The following SNTB1 variants were observed in gnomAD, a reference collection of about 807,000 sequenced individuals.
SNTB1 encodes beta-1-syntrophin.
A neutral mutation model predicts 48.9 loss-of-function variants in SNTB1; 36 were observed. The ratio of observed to expected loss-of-function variants is 0.74; its 90% CI spans 0.56 to 0.97. The LOEUF is 0.97. SNTB1 is among the 50% of genes least tolerant of loss of function. The pLI is 0.00. For synonymous variants in SNTB1, 299 were observed against 294.6 expected (o/e 1.01, Z -0.15); for missense variants, 786 against 703.4 (o/e 1.12, Z -1.33).
intron 1 of SNTB1, among the ~76,000 whole-genome samples, chr8:120,798,430 G>A (rs894883678): frequency 6.6e-6 from 1 of 151,972 alleles, no homozygotes; most frequent in Non-Finnish European, 1.5e-5. Context: ...AGAAGATAAT[G>A]CTACTTGCAC....
At chr8:120,755,738 A>G (rs1346395993) in intron 1 of SNTB1, among the ~76,000 whole-genome samples, 1 of 152,144 alleles carries the variant, frequency 6.6e-6, no homozygotes, top group African/African-American at 2.4e-5. Flanking sequence ...TCTATGAGGT[A>G]ATAAAGGTAA....
rs563897333 is a variant in SNTB1, at chr8:120,658,613, AACAATGT to A, written c.789-25969_789-25963del. The stretch of plus-strand genomic sequence containing the variant: ...CATGCAATGGCAATATATCTAAGAA[AACAATGT>A]ACACACTTTAACTTAAAAATACTTT... On this transcript the variant is annotated intron_variant, in intron 2 of 6. Coordinates refer to ENST00000517992, the MANE Select transcript of SNTB1 (RefSeq NM_021021.4). 3.2e-3 allele frequency among the ~76,000 whole-genome samples: 493 copies of A among 152,348 alleles called. 7 individuals carry two copies. The highest frequency in any genetic ancestry group is 0.011 in the African/African-American group (456 of 41,572).
chr8:120,590,341 T>C (rs992351595), intron 3 of SNTB1, among the ~76,000 whole-genome samples: 2 of 152,234 alleles, frequency 1.3e-5, no homozygotes, highest in South Asian at 4.1e-4. Context: ...ATCATGAGGC[T>C]TCTTTCTTCT....
At chr8:120,672,260 C>T (rs963952690) in intron 2 of SNTB1, among the ~76,000 whole-genome samples, 2 of 152,014 alleles carry the variant, frequency 1.3e-5, no homozygotes, top group African/African-American at 4.8e-5. Flanking sequence ...AGGATGTAAC[C>T]CCATGTAAGT....
chr8:120,663,921 T>G (rs1299943346), intron 2 of SNTB1, among the ~76,000 whole-genome samples: 1 of 152,178 alleles, frequency 6.6e-6, no homozygotes, highest in Non-Finnish European at 1.5e-5. Flanking sequence ...ATTTCCAAAT[T>G]AATGCTTGTA....
intron 1 of SNTB1, among the ~76,000 whole-genome samples, chr8:120,745,569 T>A (rs1402086265): frequency 6.6e-6 from 1 of 152,080 alleles, no homozygotes; most frequent in Non-Finnish European, 1.5e-5. Flanking sequence ...TTCCACCTAC[T>A]CCTTGGGAGG....
intron 3 of SNTB1, among the ~76,000 whole-genome samples, chr8:120,587,481 T>A (rs1449046437): frequency 6.6e-6 from 1 of 152,204 alleles, no homozygotes; most frequent in Non-Finnish European, 1.5e-5. Flanking sequence ...TCACCTTGTG[T>A]GGGATGCCTG....
chr8:120,783,921 G>A (rs899211842), intron 1 of SNTB1, among the ~76,000 whole-genome samples: 17 of 152,190 alleles, frequency 1.1e-4, no homozygotes, highest in African/African-American at 4.1e-4. Flanking sequence ...GGTATTATAA[G>A]TAATCTAGAA....
chr8:120,677,457 A>G (rs776075853), intron 2 of SNTB1, among the ~76,000 whole-genome samples: 8 of 152,218 alleles, frequency 5.3e-5, no homozygotes, highest in African/African-American at 1.2e-4. Flanking sequence ...AGAAGTATAT[A>G]AAATCATGAT....
At position 120,811,791 on chromosome 8, in the gene SNTB1, C is replaced by A; in HGVS notation, c.53G>T (p.Gly18Val). ...AAAGPAGAGG[G>V]RAQRSGLLEV... The stretch of plus-strand genomic sequence containing the variant: ...CAGCAGCCCGCTCCGCTGCGCCCGG[C>A]CGCCTCCCGCGCCAGCCGGCCCAGC... The change falls in exon 1 of 7, where the codon GGC (glycine) becomes GTC (valine). Residue 18 changes from glycine to valine, a missense_variant. Gly to Val is a moderately radical substitution (Grantham distance 109). Transcript: ENST00000517992. 6.9e-7 allele frequency: 1 copy of A among 1,443,900 alleles called. No individual in the cohort carries two copies. 89.4% of individuals were successfully genotyped at this position (1,443,900 alleles called of 1,614,324 possible).
intron 2 of SNTB1, 66 bp from the exon 3 acceptor site, chr8:120,632,717 T>A: frequency 7.3e-7 from 1 of 1,366,452 alleles, no homozygotes; most frequent in Non-Finnish European, 1.0e-6. Flanking sequence ...AAGATCTGGG[T>A]CACAAAGGTG....
intron 3 of SNTB1, among the ~76,000 whole-genome samples, chr8:120,621,341 A>G (rs1271248968): frequency 1.3e-5 from 2 of 152,216 alleles, no homozygotes; most frequent in African/African-American, 4.8e-5. Context: ...AACTAGGGAA[A>G]AGAAGATGCA....
At chr8:120,782,856 A>T (rs192650256) in intron 1 of SNTB1, among the ~76,000 whole-genome samples, 1 of 152,332 alleles carries the variant, frequency 6.6e-6, no homozygotes, top group African/African-American at 2.4e-5. Flanking sequence ...TTTGACCATG[A>T]TATTTACCTT....
At chr8:120,734,432 G>C (rs1034945984) in intron 1 of SNTB1, among the ~76,000 whole-genome samples, 2 of 145,482 alleles carry the variant, frequency 1.4e-5, no homozygotes, top group African/African-American at 2.7e-5. Context: ...GTGTGACAGA[G>C]CGAGATTCTG....
chr8:120,752,189 T>C (rs944073352), intron 1 of SNTB1, among the ~76,000 whole-genome samples: 6 of 152,252 alleles, frequency 3.9e-5, no homozygotes, highest in South Asian at 4.1e-4. Flanking sequence ...GAAAATCCAA[T>C]TGGATCTCAG....
chr8:120,608,545 C>A (rs1238985578), intron 3 of SNTB1, among the ~76,000 whole-genome samples: 2 of 152,130 alleles, frequency 1.3e-5, no homozygotes, highest in Admixed American at 1.3e-4. Context: ...GGGGGAGAGG[C>A]CTCTGAACAA....
chr8:120,784,025 G>T (rs1298334077), intron 1 of SNTB1, among the ~76,000 whole-genome samples: 4 of 151,880 alleles, frequency 2.6e-5, no homozygotes, highest in Admixed American at 1.3e-4. Flanking sequence ...ACAGAGTCTT[G>T]CTCTGTTGCC....
At chr8:120,786,160 G>A (rs996810344) in intron 1 of SNTB1, among the ~76,000 whole-genome samples, 1 of 152,166 alleles carries the variant, frequency 6.6e-6, no homozygotes, top group Non-Finnish European at 1.5e-5. Context: ...TCTGGGGTGC[G>A]GAAGCCCCAC....
intron 3 of SNTB1, among the ~76,000 whole-genome samples, chr8:120,589,105 G>A (rs1312209426): frequency 6.6e-6 from 1 of 151,980 alleles, no homozygotes; most frequent in Non-Finnish European, 1.5e-5. Flanking sequence ...CAGGAATTGA[G>A]ACTACACATC....
Sources: allele counts gnomAD v4.1 joint callset (sites outside exome capture counted in the v4.1 genomes callset), GRCh38; gene constraint gnomAD v4.1.1; transcripts MANE v1.5; gene names NCBI Gene and HGNC (gene_info 2026-07-23, HGNC 2026-07-21).